SMC6: variants seen among roughly 807,000 people sequenced by gnomAD.
SMC6 encodes structural maintenance of chromosomes 6, also known as structural maintenance of chromosomes protein 6.
SMC6 carries 79 observed loss-of-function variants against 142.2 expected under a neutral mutation model. The observed-to-expected ratio is 0.56, with a 90% CI of 0.46 to 0.67. The LOEUF (loss-of-function observed/expected upper bound fraction) is 0.67. SMC6 is among the 30% of genes least tolerant of loss of function. The probability of loss-of-function intolerance (pLI) is 0.00; values close to 1 mark genes in which losing one functional copy is unlikely to be tolerated. For missense variants in SMC6, 1,072 were observed against 1,284.0 expected, an observed-to-expected ratio of 0.83 and a Z score of 2.52; for synonymous variants, 411 against 412.4, an observed-to-expected ratio of 1.00 and a Z score of 0.04.
chr2:17,750,623 T>C (rs566233681), intron 2 of SMC6, among the ~76,000 whole-genome samples: 8 of 152,202 alleles, frequency 5.3e-5, no homozygotes, highest in Non-Finnish European at 8.8e-5. Flanking sequence ...TAAACTGAAG[T>C]TTGACAGTTA....
intron 5 of SMC6, among the ~76,000 whole-genome samples, chr2:17,733,397 T>TA (rs1670000590): frequency 6.6e-6 from 1 of 152,212 alleles, no homozygotes; most frequent in South Asian, 2.1e-4. Context: ...TTTTCTTCTT[T>TA]AAAAAATCAA....
intron 16 of SMC6, chr2:17,713,265 T>C (rs1034803779): frequency 3.1e-6 from 1 of 317,718 alleles, no homozygotes; most frequent in African/African-American, 2.2e-5. Context: ...TAGGCTTTTG[T>C]ATCTTAAGCA....
intron 24 of SMC6, 150 bp downstream of exon 24, chr2:17,683,488 C>A (rs1667320874): frequency 1.4e-6 from 1 of 705,184 alleles, no homozygotes; most frequent in Non-Finnish European, 2.2e-6. Context: ...CCTTCAGATT[C>A]GGAATTGTCT....
chr2:17,668,624 G>T (rs1666613519), intron 26 of SMC6, among the ~76,000 whole-genome samples: 1 of 151,926 alleles, frequency 6.6e-6, no homozygotes, highest in African/African-American at 2.4e-5. Flanking sequence ...ATGTAAGGTG[G>T]TGCAAAGGAA....
intron 21 of SMC6, 69 bp downstream of exon 21, chr2:17,700,139 C>T: frequency 2.9e-6 from 3 of 1,045,668 alleles, no homozygotes; most frequent in Non-Finnish European, 4.0e-6. Context: ...GGCCAATATC[C>T]ATAGAGTACA....
intron 3 of SMC6, 136 bp from the exon 4 acceptor site, chr2:17,741,865 A>G (rs1670487838): frequency 3.7e-6 from 2 of 544,398 alleles, no homozygotes; most frequent in Admixed American, 6.6e-5. Flanking sequence ...GGTAACTTCA[A>G]TGAATAAGAT....
At chr2:17,732,560 A>G (rs1288538953) in intron 5 of SMC6, among the ~76,000 whole-genome samples, 1 of 152,012 alleles carries the variant, frequency 6.6e-6, no homozygotes, top group Non-Finnish European at 1.5e-5. Context: ...TTAGCCGGGC[A>G]TGGTAGTGCA....
intron 9 of SMC6, 65 bp from the exon 10 acceptor site, chr2:17,721,326 TC>T: frequency 6.9e-7 from 1 of 1,451,784 alleles, no homozygotes; most frequent in Non-Finnish European, 9.1e-7. Flanking sequence ...TTTTTGCAAA[TC>T]TATTTCTTTT....
intron 18 of SMC6, among the ~76,000 whole-genome samples, chr2:17,704,210 C>T (rs186588939): frequency 2.6e-4 from 39 of 151,972 alleles, no homozygotes; most frequent in Non-Finnish European, 4.6e-4. Flanking sequence ...GAAGAGATAA[C>T]TGAATCGTAT....
At chr2:17,748,792 T>C (rs1670874353) in intron 2 of SMC6, among the ~76,000 whole-genome samples, 1 of 152,228 alleles carries the variant, frequency 6.6e-6, no homozygotes, top group Non-Finnish European at 1.5e-5. Context: ...ACTGTTTTTA[T>C]TAATGCCTAA....
intron 5 of SMC6, among the ~76,000 whole-genome samples, chr2:17,736,801 G>T (rs1202286984): frequency 6.6e-6 from 1 of 152,014 alleles, no homozygotes; most frequent in African/African-American, 2.4e-5. Flanking sequence ...GAACCCGGGA[G>T]GTAGAGGTTG....
At chr2:17,682,885 T>G (rs543050067) in intron 24 of SMC6, among the ~76,000 whole-genome samples, 622 of 45,134 alleles carry the variant, frequency 0.014, no homozygotes, top group African/African-American at 0.096. Flanking sequence ...CTAGGTACCT[T>G]TTTTTTTTTT....
At chr2:17,740,638 T>C (rs1670397587) in intron 4 of SMC6, 1 of 375,444 alleles carries the variant, frequency 2.7e-6, no homozygotes, top group South Asian at 1.9e-5. Context: ...GCGGATCACT[T>C]GAGCTCAGGA....
intron 5 of SMC6, among the ~76,000 whole-genome samples, chr2:17,733,739 T>G (rs1048008758): frequency 3.5e-4 from 53 of 152,274 alleles, no homozygotes; most frequent in African/African-American, 1.3e-3. Context: ...TAGAAAAGTC[T>G]GAATAGAACA....
In SMC6 at chr2:17,706,020, AAATTT is replaced by A. The variant is rs1459689225; in HGVS notation, c.2006+1194_2006+1198del. ...ATTCATTTATAGTCTATCTTCCCCT[AAATTT>A]AAGATCCAGTAGAGAAATTTTGTAT... On this transcript the variant is annotated intron_variant, in intron 18 of 27. Transcript: ENST00000448223. Among the ~76,000 whole-genome samples the A allele has an allele frequency of 4.6e-5, 7 of 152,114 alleles. No homozygotes were observed. In the East Asian group the frequency reaches 1.3e-3, roughly 29 times the overall value.
At chr2:17,669,562 A>G (rs980363199) in intron 26 of SMC6, among the ~76,000 whole-genome samples, 31 of 152,198 alleles carry the variant, frequency 2.0e-4, no homozygotes, top group East Asian at 1.9e-3. Flanking sequence ...ATAGAAAAAC[A>G]GGAAAACCAG....
chr2:17,752,392 C>G (rs1402103980), intron 2 of SMC6, among the ~76,000 whole-genome samples: 1 of 152,108 alleles, frequency 6.6e-6, no homozygotes, highest in Admixed American at 6.5e-5. Context: ...CACTTTTTTT[C>G]CTCTGAAATA....
intron 23 of SMC6, among the ~76,000 whole-genome samples, chr2:17,686,535 C>T (rs1266096061): frequency 6.6e-6 from 1 of 152,088 alleles, no homozygotes. Context: ...TGAAACATTT[C>T]GAGCATTGAT....
chr2:17,752,358 C>G (rs1423360342), intron 2 of SMC6, among the ~76,000 whole-genome samples: 1 of 151,856 alleles, frequency 6.6e-6, no homozygotes, highest in Admixed American at 6.6e-5. Context: ...ATGACAAGAA[C>G]AAAAAAAAGT....
Sources: allele counts gnomAD v4.1 joint callset (sites outside exome capture counted in the v4.1 genomes callset), GRCh38; gene constraint gnomAD v4.1.1; transcripts MANE v1.5; gene names NCBI Gene and HGNC (gene_info 2026-07-23, HGNC 2026-07-21).